CDCP2: variants seen among roughly 807,000 people sequenced by gnomAD.
CDCP2 encodes CUB domain containing protein 2.
CDCP2 carries 31 observed loss-of-function variants against 31.0 expected under a neutral mutation model. The ratio of observed to expected loss-of-function variants is 1.00; its 90% CI spans 0.75 to 1.35. CDCP2 has a LOEUF of 1.35. Among genes scored for constraint, CDCP2 ranks in the 40% most tolerant of loss-of-function variants. The pLI is 0.00. For missense variants in CDCP2, 443 were observed against 482.6 expected (o/e 0.92, Z 0.77); for synonymous variants, 206 against 207.9 (o/e 0.99, Z 0.08).
intron 4 of CDCP2, chr1:54,139,365 G>A (rs1659312466): frequency 1.6e-6 from 1 of 626,136 alleles, no homozygotes; most frequent in Non-Finnish European, 2.8e-6. Context: ...AGCAGGGCTG[G>A]TAGACATCCC....
chr1:54,139,646 G>GGGC (rs1553173738), intron 4 of CDCP2, 107 bp downstream of exon 4: 13 of 1,581,516 alleles, frequency 8.2e-6, no homozygotes, highest in East Asian at 2.3e-5. Flanking sequence ...GACCATTCAT[G>GGGC]GGGGGGGCAG....
chr1:54,139,373 C>T (rs370464950), intron 4 of CDCP2: 28 of 643,154 alleles, frequency 4.4e-5, no homozygotes, highest in African/African-American at 4.0e-4. Flanking sequence ...TGGTAGACAT[C>T]CCCACAGTTA....
At chr1:54,145,086 C>T (rs1220139867) in intron 1 of CDCP2, among the ~76,000 whole-genome samples, 2 of 152,122 alleles carry the variant, frequency 1.3e-5, no homozygotes, top group African/African-American at 4.8e-5. Context: ...CCTCATGGAA[C>T]CTACATTCTG....
At chr1:54,150,026 C>T (rs1049452814) in intron 1 of CDCP2, among the ~76,000 whole-genome samples, 1 of 152,242 alleles carries the variant, frequency 6.6e-6, no homozygotes, top group African/African-American at 2.4e-5. Context: ...AGACACTGCT[C>T]CCCTCCTTGC....
chr1:54,149,374 T>G (rs1205506883), intron 1 of CDCP2, among the ~76,000 whole-genome samples: 7 of 151,892 alleles, frequency 4.6e-5, no homozygotes, highest in Non-Finnish European at 1.0e-4. Context: ...AGGCTTTAGA[T>G]TTCTCCACAC....
intron 1 of CDCP2, among the ~76,000 whole-genome samples, chr1:54,152,384 A>T (rs1030229861): frequency 6.6e-6 from 1 of 152,064 alleles, no homozygotes; most frequent in African/African-American, 2.4e-5. Context: ...GAATTGTTTG[A>T]ACCTGGGAGG....
intron 2 of CDCP2, 75 bp from the exon 3 acceptor site, chr1:54,141,508 C>G: frequency 7.9e-7 from 1 of 1,261,366 alleles, no homozygotes; most frequent in South Asian, 1.5e-5. Flanking sequence ...GAACAAGACA[C>G]TCCAACATGC....
intron 1 of CDCP2, among the ~76,000 whole-genome samples, chr1:54,148,760 A>G (rs1659519233): frequency 6.6e-6 from 1 of 151,310 alleles, no homozygotes. Context: ...GCCGGGTGCC[A>G]TGGCTCACAC....
At chr1:54,151,389 A>T (rs189225076) in intron 1 of CDCP2, among the ~76,000 whole-genome samples, 2 of 152,320 alleles carry the variant, frequency 1.3e-5, no homozygotes, top group East Asian at 3.9e-4. Context: ...TATTCTGTCC[A>T]ATGCCTGTTA....
In CDCP2 at chr1:54,136,886, C is replaced by T. The variant is rs1659267595; in HGVS notation, c.1118-78G>A. The T allele has an allele frequency of 7.5e-6, 3 of 398,772 alleles. No individual in the cohort carries two copies. The South Asian group carries it at 3.9e-4, about 52-fold the overall frequency. The allele number at this position is 398,772 out of a possible 1,614,324, so 24.7% of individuals were successfully genotyped here. ...CACCTCCCCAACACCCCCTACCCTC[C>T]CACAAAGGGTGGTGGATGGGGAAAC... On this transcript the variant is annotated intron_variant, in intron 4 of 5. Transcript: ENST00000530059.
intron 4 of CDCP2, among the ~76,000 whole-genome samples, chr1:54,137,247 CA>C (rs1395286812): frequency 3.3e-5 from 5 of 152,112 alleles, no homozygotes; most frequent in Non-Finnish European, 5.9e-5. Context: ...GAGGAAAAAA[CA>C]CAGCTGAAAT....
At chr1:54,152,338 C>T (rs1303904486) in intron 1 of CDCP2, among the ~76,000 whole-genome samples, 1 of 152,038 alleles carries the variant, frequency 6.6e-6, no homozygotes, top group African/African-American at 2.4e-5. Flanking sequence ...GTGGCACATG[C>T]CTGTAATCCC....
At position 54,139,993 on chromosome 1, in the gene CDCP2, A is replaced by G. The variant is rs139026142; in HGVS notation, c.877T>C (p.Tyr293His). 235 of 1,613,996 alleles carry G rather than the reference A, an allele frequency of 1.5e-4. No individual in the cohort carries two copies. Among genetic ancestry groups the G allele is most frequent in the Non-Finnish European group, 1.8e-4 (218 of 1,180,040 alleles). The change falls in exon 4 of 6, where the codon TAC becomes CAC. Residue 293 changes from tyrosine (Y) to histidine (H), a missense_variant. Physicochemically the swap from Tyr to His is moderately conservative, Grantham distance 83. Coordinates refer to ENST00000530059, the Ensembl canonical transcript of CDCP2. ...TCCAGGAAGAACACCTTGACCTGGT[A>G]GCCCGGGGGCAGGCGGATGGTCCAG... is the stretch of plus-strand genomic sequence containing the variant.
chr1:54,151,441 C>T (rs1659582370), intron 1 of CDCP2, among the ~76,000 whole-genome samples: 1 of 152,198 alleles, frequency 6.6e-6, no homozygotes, highest in Admixed American at 6.5e-5. Flanking sequence ...GGGAAAGGCG[C>T]CAGAGCATCA....
At chr1:54,139,076 T>C (rs1412372809) in intron 4 of CDCP2, 1 of 158,544 alleles carries the variant, frequency 6.3e-6, no homozygotes, top group African/African-American at 2.4e-5. Flanking sequence ...TGGGACATTT[T>C]GTAAAAGTCT....
intron 1 of CDCP2, among the ~76,000 whole-genome samples, chr1:54,149,189 G>A (rs1295921117): frequency 6.6e-6 from 1 of 151,348 alleles, no homozygotes; most frequent in African/African-American, 2.4e-5. Flanking sequence ...TATGACCACA[G>A]CACTGTAGTC....
intron 1 of CDCP2, among the ~76,000 whole-genome samples, chr1:54,149,163 C>T (rs1001022187): frequency 4.6e-5 from 7 of 151,350 alleles, no homozygotes; most frequent in Admixed American, 1.3e-4. Context: ...CCCAGGAGTT[C>T]GAGGCTGCAG....
intron 3 of CDCP2, chr1:54,140,496 A>G: frequency 3.2e-6 from 1 of 315,856 alleles, no homozygotes; most frequent in Non-Finnish European, 6.0e-6. Context: ...GGTATGTACT[A>G]TGAGCATACC....
At chr1:54,140,387 A>T (rs1346373383) in intron 3 of CDCP2, 2 of 499,176 alleles carry the variant, frequency 4.0e-6, no homozygotes, top group Non-Finnish European at 7.3e-6. Context: ...ATTCAATAAT[A>T]ATACACAATA....
Sources: allele counts gnomAD v4.1 joint callset (sites outside exome capture counted in the v4.1 genomes callset), GRCh38; gene constraint gnomAD v4.1.1; transcripts MANE v1.5; gene names NCBI Gene and HGNC (gene_info 2026-07-23, HGNC 2026-07-21).